DRD3: variants seen among roughly 807,000 people sequenced by gnomAD.
DRD3 encodes D(3) dopamine receptor.
DRD3 carries 19 observed loss-of-function variants against 36.3 expected under a neutral mutation model. That is an observed-to-expected ratio of 0.52 (90% CI 0.36 to 0.77). The LOEUF (loss-of-function observed/expected upper bound fraction) is 0.77. DRD3 is among the 30% of genes least tolerant of loss of function. The probability of loss-of-function intolerance (pLI) is 0.00; values close to 1 mark genes in which losing one functional copy is unlikely to be tolerated. For synonymous variants in DRD3, 195 were observed against 203.7 expected, an observed-to-expected ratio of 0.96 and a Z score of 0.36; for missense variants, 465 against 505.3, an observed-to-expected ratio of 0.92 and a Z score of 0.77.
Position 114,170,761 on chromosome 3 carries a change from G to A in DRD3, c.270+962C>T, listed in dbSNP as rs558653820. 2.2e-4 allele frequency among the ~76,000 whole-genome samples: 34 copies of A among 152,102 alleles called. 1 individual carries two copies. Among genetic ancestry groups the A allele is most frequent in the Non-Finnish European group, 1.2e-4 (8 of 68,020 alleles). Reference sequence around the variant, plus strand: ...GTCACTTTTACTATCAATATTAACTGAGATATTAATTTGATGAATCTTAAT... The same window carrying A: ...GTCACTTTTACTATCAATATTAACTAAGATATTAATTTGATGAATCTTAAT... On this transcript the variant is annotated intron_variant, in intron 2 of 6. Coordinates refer to ENST00000383673, the MANE Select transcript of DRD3 (RefSeq NM_000796.6).
intron 4 of DRD3, among the ~76,000 whole-genome samples, chr3:114,145,184 A>C (rs958103208): frequency 6.6e-6 from 1 of 152,160 alleles, no homozygotes; most frequent in East Asian, 1.9e-4. Context: ...TTGGTCTAGC[A>C]GTGGTGAGTT....
chr3:114,193,883 C>CT (rs547757562), intron 1 of DRD3, among the ~76,000 whole-genome samples: 1 of 152,066 alleles, frequency 6.6e-6, no homozygotes, highest in Non-Finnish European at 1.5e-5. Context: ...TTTCATTTGG[C>CT]TTTTTTTGAT....
intron 5 of DRD3, 107 bp from the exon 6 acceptor site, chr3:114,131,507 T>C (rs1222421696): frequency 7.0e-7 from 1 of 1,426,468 alleles, no homozygotes; most frequent in Non-Finnish European, 9.3e-7. Flanking sequence ...GGCAACACAG[T>C]TGTGGGAAAC....
intron 3 of DRD3, among the ~76,000 whole-genome samples, chr3:114,148,303 GA>G (rs1660497064): frequency 6.6e-6 from 1 of 152,154 alleles, no homozygotes; most frequent in South Asian, 2.1e-4. Context: ...CATACCTAAA[GA>G]GGATATTTAC....
At position 114,139,509 on chromosome 3, in the gene DRD3, G is replaced by A; in HGVS notation, c.714C>T (p.Phe238=). The A allele has an allele frequency of 6.2e-7, 1 of 1,613,254 alleles. No homozygotes were observed. The highest frequency in any genetic ancestry group is 1.1e-5 in the South Asian group (1 of 90,944). ...NSQCNSVRPG[F]PQQTLSPDPA... ...CCTCCAGGGTACTTACTTGCTGGGG[G>A]AAGCCAGGCCTGACACTGTTGCACT... The change falls in exon 5 of 7, where the codon TTC becomes TTT. Residue 238 remains phenylalanine, a synonymous_variant. Transcript: ENST00000383673.
rs1372032039 is a variant in DRD3, at chr3:114,195,709, C to T, written c.-156+3564G>A. 4.6e-5 allele frequency among the ~76,000 whole-genome samples: 7 copies of T among 151,870 alleles called. No homozygotes were observed. The South Asian group carries it at 8.3e-4, about 18-fold the overall frequency. On this transcript the variant is annotated intron_variant, in intron 1 of 7. Coordinates refer to the DRD3 transcript ENST00000460779. ...CAGTATATTGCCATTTTGAATAGTG[C>T]AATTAGGATACCAAAGGGTTAAATA...
In DRD3 at chr3:114,145,424, A is replaced by G. The variant is rs540449128; in HGVS notation, c.526+1991T>C. On this transcript the variant is annotated intron_variant, in intron 4 of 6. Coordinates refer to ENST00000383673, the MANE Select transcript of DRD3 (RefSeq NM_000796.6). ...GTCATTCAGTTAAAATAACAAAGTAATGAAAGGTAAACAGTAACGCAAAGA... is the reference window on the plus strand; with the variant it reads ...GTCATTCAGTTAAAATAACAAAGTAGTGAAAGGTAAACAGTAACGCAAAGA... Among the ~76,000 whole-genome samples the G allele has an allele frequency of 3.3e-5, 5 of 152,330 alleles. No homozygotes were observed. In the South Asian group the frequency reaches 6.2e-4, roughly 19 times the overall value.
At chr3:114,144,066 A>G (rs1167468369) in intron 4 of DRD3, among the ~76,000 whole-genome samples, 1 of 152,232 alleles carries the variant, frequency 6.6e-6, no homozygotes, top group Non-Finnish European at 1.5e-5. Context: ...ATATTTGCCT[A>G]GACTGCTGGG....
At chr3:114,161,099 C>T (rs2077728190) in intron 2 of DRD3, among the ~76,000 whole-genome samples, 2 of 152,140 alleles carry the variant, frequency 1.3e-5, no homozygotes, top group Admixed American at 1.3e-4. Context: ...TGTGCAGTTA[C>T]CAGCTTCTTT....
chr3:114,143,077 A>G (rs1345672463), intron 4 of DRD3, among the ~76,000 whole-genome samples: 3 of 152,242 alleles, frequency 2.0e-5, no homozygotes, highest in Admixed American at 1.3e-4. Context: ...GGAAAGCTGT[A>G]ATGCCCCCCA....
At chr3:114,191,916 GACCA>G (rs2078012681) in intron 1 of DRD3, among the ~76,000 whole-genome samples, 1 of 152,212 alleles carries the variant, frequency 6.6e-6, no homozygotes, top group Non-Finnish European at 1.5e-5. Context: ...AATAAATGAA[GACCA>G]ACCAAATAAG....
intron 1 of DRD3, among the ~76,000 whole-genome samples, chr3:114,198,970 C>A (rs1034904257): frequency 8.5e-5 from 13 of 152,252 alleles, no homozygotes; most frequent in Admixed American, 2.0e-4. Context: ...GGCTTGAGCT[C>A]CTGGCCTCAA....
chr3:114,163,428 G>C (rs954230955), intron 2 of DRD3, among the ~76,000 whole-genome samples: 1 of 152,108 alleles, frequency 6.6e-6, no homozygotes, highest in Non-Finnish European at 1.5e-5. Flanking sequence ...TAAAGAAATG[G>C]AGACCTGGAA....
chr3:114,136,389 A>G (rs1028132613), intron 5 of DRD3, among the ~76,000 whole-genome samples: 12 of 152,144 alleles, frequency 7.9e-5, no homozygotes, highest in African/African-American at 2.4e-4. Context: ...CACTACTTCC[A>G]TGACTGACAT....
intron 3 of DRD3, among the ~76,000 whole-genome samples, chr3:114,150,731 G>A (rs923474489): frequency 2.0e-5 from 3 of 152,198 alleles, no homozygotes; most frequent in African/African-American, 7.2e-5. Flanking sequence ...TGCACCTCAA[G>A]GCCTGGGATT....
intron 2 of DRD3, among the ~76,000 whole-genome samples, chr3:114,167,083 G>A (rs1171265704): frequency 6.6e-6 from 1 of 151,950 alleles, no homozygotes; most frequent in African/African-American, 2.4e-5. Flanking sequence ...CCAAAATTTT[G>A]CTATTCTTTT....
At chr3:114,161,720 A>G (rs763961154) in intron 2 of DRD3, among the ~76,000 whole-genome samples, 1 of 152,246 alleles carries the variant, frequency 6.6e-6, no homozygotes, top group Non-Finnish European at 1.5e-5. Context: ...AGATTGAGAC[A>G]TAAGAATTCC....
intron 3 of DRD3, among the ~76,000 whole-genome samples, chr3:114,148,871 C>A (rs372869685): frequency 6.6e-6 from 1 of 152,198 alleles, no homozygotes; most frequent in Non-Finnish European, 1.5e-5. Context: ...TGCCAACATG[C>A]CTGGCTAATT....
chr3:114,168,603 C>A lies in DRD3; in HGVS notation c.270+3120G>T, dbSNP rs115314292. Among the ~76,000 whole-genome samples the A allele has an allele frequency of 5.1e-4, 77 of 151,996 alleles. 1 individual carries two copies. Among genetic ancestry groups the A allele is most frequent in the African/African-American group, 1.8e-3 (73 of 41,456 alleles). ...TCATTTCCTGCTGTCCCTACCCATC[C>A]TATTTTTGAATACTGCCATGGTGCT... On this transcript the variant is annotated intron_variant, in intron 2 of 6. Coordinates refer to ENST00000383673, the MANE Select transcript of DRD3 (RefSeq NM_000796.6).
Sources: gnomAD v4.1 joint callset for allele counts (sites outside exome capture counted in the v4.1 genomes callset) on GRCh38, gnomAD v4.1.1 for gene constraint, MANE v1.5 for transcripts, NCBI Gene and HGNC (gene_info 2026-07-23, HGNC 2026-07-21) for gene names.